TBC1D32: variants seen among roughly 807,000 people sequenced by gnomAD.
TBC1D32 encodes the protein TBC1 domain family member 32.
TBC1D32 carries 151 observed loss-of-function variants against 170.3 expected under a neutral mutation model. That is an observed-to-expected ratio of 0.89 (90% confidence interval 0.78 to 1.01). The LOEUF is 1.01. Ranked by LOEUF, TBC1D32 falls within the 50% of genes least tolerant of loss-of-function variation. The probability of loss-of-function intolerance (pLI) is 0.00; values close to 1 mark genes in which losing one functional copy is unlikely to be tolerated. For synonymous variants in TBC1D32, 498 were observed against 488.0 expected, an observed-to-expected ratio of 1.02 and a Z score of -0.27; for missense variants, 1,464 against 1,457.1, an observed-to-expected ratio of 1.00 and a Z score of -0.08.
chr6:121,249,238 CA>C (rs1377206403), intron 17 of TBC1D32, among the ~76,000 whole-genome samples: 3 of 150,306 alleles, frequency 2.0e-5, no homozygotes, highest in Non-Finnish European at 4.5e-5. Context: ...TCAATAAAAA[CA>C]AAAAAAGCAT....
At chr6:121,312,522 C>G (rs1488128892) in intron 3 of TBC1D32, among the ~76,000 whole-genome samples, 1 of 152,048 alleles carries the variant, frequency 6.6e-6, no homozygotes, top group African/African-American at 2.4e-5. Context: ...AGGAGAGCCA[C>G]AGTGACCTCA....
rs568307018 is a variant in TBC1D32 at position 121,331,967 on chromosome 6, A to G, written c.155+2309T>C. 2.0e-5 allele frequency among the ~76,000 whole-genome samples: 3 copies of G among 152,348 alleles called. No individual in the cohort carries two copies. In the East Asian group the frequency reaches 5.8e-4, roughly 29 times the overall value. ...TTACCTTTAAGACTATAAACTAGCT[A>G]TAATTTGAGTCTCTCTGGATTGTTT... On this transcript the variant is annotated intron_variant, in intron 1 of 31. Transcript: ENST00000398212.
intron 30 of TBC1D32, among the ~76,000 whole-genome samples, chr6:121,098,464 C>T (rs1318329423): frequency 2.0e-5 from 3 of 151,862 alleles, no homozygotes; most frequent in Non-Finnish European, 4.4e-5. Flanking sequence ...AGTCAATTCA[C>T]TTCATTGATC....
intron 17 of TBC1D32, among the ~76,000 whole-genome samples, chr6:121,254,518 T>G (rs1460406943): frequency 6.6e-6 from 1 of 152,142 alleles, no homozygotes; most frequent in Non-Finnish European, 1.5e-5. Context: ...ACAAAGCAGC[T>G]CATTGTGTGA....
At chr6:121,113,219 G>T in intron 27 of TBC1D32, 42 bp from the exon 28 acceptor site, 1 of 1,329,092 alleles carries the variant, frequency 7.5e-7, no homozygotes, top group Non-Finnish European at 1.1e-6. Context: ...ATCAGGTCTT[G>T]CATTGAATGT....
chr6:121,284,354 T>C (rs183523957), intron 12 of TBC1D32, among the ~76,000 whole-genome samples: 1 of 152,222 alleles, frequency 6.6e-6, no homozygotes. Flanking sequence ...TGTGGCCAAA[T>C]GGTCTCTGTC....
chr6:121,140,331 CA>C (rs57301815), intron 24 of TBC1D32, among the ~76,000 whole-genome samples: 4,321 of 135,740 alleles, frequency 0.032, 75 homozygotes, highest in East Asian at 0.056. Flanking sequence ...CAGGTTGGGG[CA>C]AAAAAAAAAA....
rs529759208 is a variant in TBC1D32, at chr6:121,195,580, C to A, written c.2570+9495G>T. ...GAAGTTGTACATATGTGATCGGGCT[C>A]GAGCAGGTCCTGAAGGCACAAGAAA... On this transcript the variant is annotated intron_variant, in intron 22 of 31. Transcript: ENST00000398212. Among the ~76,000 whole-genome samples the A allele has an allele frequency of 2.0e-5, 3 of 152,220 alleles. No individual in the cohort carries two copies. The South Asian group carries it at 6.2e-4, about 32-fold the overall frequency.
At position 121,334,304 on chromosome 6, in the gene TBC1D32, G is replaced by C; in HGVS notation, c.127C>G (p.Leu43Val). The C allele has an allele frequency of 1.9e-6, 3 of 1,614,068 alleles. No individual in the cohort carries two copies. In the South Asian group the frequency reaches 3.3e-5, roughly 18 times the overall value. The change falls in exon 1 of 32, where the codon CTG (leucine) becomes GTG (valine). Residue 43 changes from leucine (L) to valine (V), a missense_variant. By Grantham distance (32) the Leu-to-Val change is conservative (BLOSUM62 1). Around this residue, in one of 3 missense-constraint regions of TBC1D32, gnomAD observed 1,363 missense variants for 1,338.1 expected, o/e 1.02. Coordinates refer to ENST00000398212, the MANE Select transcript of TBC1D32 (RefSeq NM_152730.6). ...LECAEEILLH[L>V]EETDENFHNY... is the part of the protein sequence containing the mutation. ...TGAAAATTTTCATCAGTTTCCTCCA[G>C]ATGTAAAAGAATCTCTTCGGCACAC...
chr6:121,088,403 G>GGAT (rs1212382079), intron 31 of TBC1D32, among the ~76,000 whole-genome samples: 1 of 152,004 alleles, frequency 6.6e-6, no homozygotes, highest in East Asian at 1.9e-4. Context: ...TTTTGACAGG[G>GGAT]GATGTTTCTA....
At chr6:121,300,228 G>C (rs999400860) in intron 9 of TBC1D32, among the ~76,000 whole-genome samples, 4 of 152,012 alleles carry the variant, frequency 2.6e-5, no homozygotes, top group African/African-American at 9.7e-5. Flanking sequence ...CAAATCACGA[G>C]GTCAGGAGTT....
At chr6:121,122,829 G>C (rs79923600) in intron 26 of TBC1D32, among the ~76,000 whole-genome samples, 2,100 of 152,150 alleles carry the variant, frequency 0.014, 31 homozygotes, top group South Asian at 0.05. Flanking sequence ...TCTGGGACAG[G>C]GGGTAGTTGG....
chr6:121,122,447 C>T (rs1780365635), intron 26 of TBC1D32, among the ~76,000 whole-genome samples: 1 of 151,934 alleles, frequency 6.6e-6, no homozygotes, highest in South Asian at 2.1e-4. Context: ...CAATTCCTCT[C>T]CTTTACTCCT....
At chr6:121,227,817 A>G (rs1795258538) in intron 20 of TBC1D32, among the ~76,000 whole-genome samples, 1 of 152,114 alleles carries the variant, frequency 6.6e-6, no homozygotes. Flanking sequence ...CTGGCCTCAT[A>G]AATTAGAAAT....
intron 21 of TBC1D32, among the ~76,000 whole-genome samples, chr6:121,212,374 C>CATTCT (rs1176139060): frequency 6.6e-6 from 1 of 151,682 alleles, no homozygotes; most frequent in Non-Finnish European, 1.5e-5. Context: ...TTACCTAACT[C>CATTCT]ATTCTATGAG....
chr6:121,193,831 G>T (rs941268427), intron 22 of TBC1D32, among the ~76,000 whole-genome samples: 2 of 152,094 alleles, frequency 1.3e-5, no homozygotes, highest in African/African-American at 4.8e-5. Flanking sequence ...GAATCACAGC[G>T]CCTCAATCAA....
chr6:121,173,180 G>A (rs934924478), intron 22 of TBC1D32, among the ~76,000 whole-genome samples: 33 of 152,150 alleles, frequency 2.2e-4, no homozygotes, highest in African/African-American at 7.0e-4. Flanking sequence ...GTAGAAGAGC[G>A]TGGAAAGACT....
At chr6:121,214,299 C>T (rs1793533198) in intron 21 of TBC1D32, among the ~76,000 whole-genome samples, 1 of 152,200 alleles carries the variant, frequency 6.6e-6, no homozygotes, top group South Asian at 2.1e-4. Context: ...GGCACCTTTG[C>T]CTGAATTTTG....
At chr6:121,239,502 T>G (rs1796690397) in intron 19 of TBC1D32, among the ~76,000 whole-genome samples, 1 of 152,078 alleles carries the variant, frequency 6.6e-6, no homozygotes, top group Non-Finnish European at 1.5e-5. Context: ...TTCTGAAACA[T>G]AATAAAGTTT....
Sources: gnomAD v4.1 joint callset for allele counts (sites outside exome capture counted in the v4.1 genomes callset) on GRCh38, gnomAD v4.1.1 for gene constraint, gnomAD v4.1.1 regional missense constraint, MANE v1.5 for transcripts, NCBI Gene and HGNC (gene_info 2026-07-23, HGNC 2026-07-21) for gene names.